The following RNGTT variants were observed in gnomAD, a reference collection of about 807,000 sequenced individuals.
RNGTT encodes mRNA-capping enzyme.
A neutral mutation model predicts 79.3 loss-of-function variants in RNGTT; 33 were observed. The observed-to-expected ratio is 0.42, with a 90% CI of 0.32 to 0.56. The LOEUF (loss-of-function observed/expected upper bound fraction) is 0.56. Ranked by LOEUF, RNGTT falls within the 20% of genes least tolerant of loss-of-function variation. The pLI is 0.17. For missense variants in RNGTT, 497 were observed against 739.1 expected, an observed-to-expected ratio of 0.67 and a Z score of 3.80; for synonymous variants, 222 against 235.9, an observed-to-expected ratio of 0.94 and a Z score of 0.54.
intron 9 of RNGTT, among the ~76,000 whole-genome samples, chr6:88,851,947 G>C (rs1462874764): frequency 6.6e-6 from 1 of 151,972 alleles, no homozygotes; most frequent in Non-Finnish European, 1.5e-5. Flanking sequence ...TAAATCTGTA[G>C]ATGGTTAAAT....
intron 8 of RNGTT, among the ~76,000 whole-genome samples, chr6:88,888,743 CCA>C (rs1782947587): frequency 6.6e-6 from 1 of 152,134 alleles, no homozygotes; most frequent in Non-Finnish European, 1.5e-5. Flanking sequence ...ATAATAAAAA[CCA>C]CAGGCCAGGC....
chr6:88,821,988 C>T (rs971023893), intron 11 of RNGTT, among the ~76,000 whole-genome samples: 1 of 151,424 alleles, frequency 6.6e-6, no homozygotes, highest in South Asian at 2.1e-4. Flanking sequence ...AAGTTGAAAA[C>T]AAATGGGAAA....
rs201601322 is a variant in RNGTT at position 88,801,547 on chromosome 6, C to T, written c.1338+17G>A. 3.7e-6 allele frequency: 6 copies of T among 1,600,580 alleles called. No homozygotes were observed. Among genetic ancestry groups the T allele is most frequent in the African/African-American group, 1.3e-5 (1 of 74,430 alleles). On this transcript the variant is annotated intron_variant, in intron 12 of 15. Transcript: ENST00000369485. Reference sequence around the variant, plus strand: ...AAACACACAAACGAACACACACACACAGACAAATGAACTTACTCCAGTAGG... The same window carrying T: ...AAACACACAAACGAACACACACACATAGACAAATGAACTTACTCCAGTAGG...
chr6:88,920,063 T>C (rs777708586), intron 4 of RNGTT, among the ~76,000 whole-genome samples: 60 of 152,140 alleles, frequency 3.9e-4, no homozygotes, highest in Non-Finnish European at 7.9e-4. Context: ...ATTTTAATTG[T>C]TACAATTTGT....
chr6:88,842,942 G>A (rs940860033), intron 11 of RNGTT, among the ~76,000 whole-genome samples: 5 of 152,000 alleles, frequency 3.3e-5, no homozygotes, highest in African/African-American at 2.4e-5. Flanking sequence ...GGACATGGTA[G>A]TATGCGCCTG....
intron 14 of RNGTT, among the ~76,000 whole-genome samples, chr6:88,664,032 A>G (rs1774287126): frequency 6.6e-6 from 1 of 152,158 alleles, no homozygotes; most frequent in Non-Finnish European, 1.5e-5. Context: ...AGAGTGCTCG[A>G]GGTAGCAACT....
chr6:88,709,255 A>C (rs1463851990), intron 13 of RNGTT, among the ~76,000 whole-genome samples: 1 of 152,078 alleles, frequency 6.6e-6, no homozygotes, highest in Admixed American at 6.6e-5. Context: ...CAGTGAGCCA[A>C]GATTGCACCA....
chr6:88,721,582 T>C (rs946029389), intron 13 of RNGTT, among the ~76,000 whole-genome samples: 1 of 152,108 alleles, frequency 6.6e-6, no homozygotes, highest in African/African-American at 2.4e-5. Flanking sequence ...TTTCCTTACC[T>C]GCTCAAATCT....
chr6:88,811,319 T>C (rs867984694), intron 11 of RNGTT, among the ~76,000 whole-genome samples: 2 of 152,144 alleles, frequency 1.3e-5, no homozygotes, highest in South Asian at 2.1e-4. Flanking sequence ...TTTCATAAGG[T>C]TTTTCCTATA....
chr6:88,920,091 C>T (rs1784120645), intron 4 of RNGTT, among the ~76,000 whole-genome samples: 1 of 152,028 alleles, frequency 6.6e-6, no homozygotes, highest in Admixed American at 6.6e-5. Context: ...AGTTGAAGTC[C>T]AGCCTGAACA....
chr6:88,666,398 C>A (rs1774409286), intron 14 of RNGTT, among the ~76,000 whole-genome samples: 1 of 152,180 alleles, frequency 6.6e-6, no homozygotes, highest in African/African-American at 2.4e-5. Flanking sequence ...AACTGCCCTG[C>A]TAACACAAGA....
intron 8 of RNGTT, among the ~76,000 whole-genome samples, chr6:88,880,000 C>A (rs563008210): frequency 2.6e-5 from 4 of 152,260 alleles, no homozygotes; most frequent in Admixed American, 6.5e-5. Context: ...AGAGACCACA[C>A]AACCCACAAA....
intron 8 of RNGTT, among the ~76,000 whole-genome samples, chr6:88,884,463 G>A (rs1782792911): frequency 1.3e-5 from 2 of 152,122 alleles, no homozygotes; most frequent in African/African-American, 4.8e-5. Flanking sequence ...CTGCTCATCT[G>A]TACAAAAAGA....
rs1395546921 is a variant in RNGTT at position 88,949,277 on chromosome 6, T to TTTTG, written c.65-8098_65-8097insCAAA. 1.5e-3 allele frequency among the ~76,000 whole-genome samples: 220 copies of TTTTG among 146,058 alleles called. 2 individuals are homozygous for TTTTG. Among genetic ancestry groups the TTTTG allele is most frequent in the African/African-American group, 5.1e-3 (205 of 39,870 alleles). ...ATCAGTCTTTTTTTTTTTTTTTTTT[T>TTTTG]TTGAGACAGAGTCTTGCTCTGTTGC... On this transcript the variant is annotated intron_variant, in intron 1 of 15. Transcript: ENST00000369485.
At chr6:88,959,670 T>C (rs903304805) in intron 1 of RNGTT, among the ~76,000 whole-genome samples, 1 of 152,174 alleles carries the variant, frequency 6.6e-6, no homozygotes, top group Admixed American at 6.5e-5. Flanking sequence ...CCATTTCCAC[T>C]CTTTTCTCCA....
At chr6:88,728,537 T>C (rs1776998997) in intron 13 of RNGTT, among the ~76,000 whole-genome samples, 1 of 152,228 alleles carries the variant, frequency 6.6e-6, no homozygotes, top group South Asian at 2.1e-4. Context: ...TTCATTTTAC[T>C]AGAGGGACAG....
chr6:88,909,969 T>TA (rs35012266), intron 4 of RNGTT, among the ~76,000 whole-genome samples: 2,374 of 141,176 alleles, frequency 0.017, 50 homozygotes, highest in African/African-American at 0.053. Flanking sequence ...AAAGAATATT[T>TA]AAAAAAAAAA....
At chr6:88,887,682 C>G (rs957956632) in intron 8 of RNGTT, among the ~76,000 whole-genome samples, 1 of 152,086 alleles carries the variant, frequency 6.6e-6, no homozygotes, top group Non-Finnish European at 1.5e-5. Flanking sequence ...TACCAACACA[C>G]AGAGAAAGGG....
intron 13 of RNGTT, among the ~76,000 whole-genome samples, chr6:88,757,510 T>C: frequency 6.6e-6 from 1 of 152,202 alleles, no homozygotes; most frequent in Admixed American, 6.5e-5. Context: ...GTAAAGAGAG[T>C]AAAGGAATTT....
Sources: gnomAD v4.1 joint callset for allele counts (sites outside exome capture counted in the v4.1 genomes callset) on GRCh38, gnomAD v4.1.1 for gene constraint, MANE v1.5 for transcripts, NCBI Gene and HGNC (gene_info 2026-07-23, HGNC 2026-07-21) for gene names.